Variants in KIF1B observed in about 807,000 individuals in gnomAD.
KIF1B encodes kinesin family member 1B.
In KIF1B, 76 loss-of-function variants were observed where a neutral mutation model predicts 241.9. The observed-to-expected ratio is 0.31, with a 90% CI of 0.26 to 0.38. KIF1B has a LOEUF of 0.38. Among genes scored for constraint, KIF1B ranks in the 10% least tolerant of loss-of-function variants. KIF1B has a pLI of 1.00. For missense variants in KIF1B, 1,622 were observed against 2,271.4 expected (o/e 0.71, Z 5.81); for synonymous variants, 750 against 796.7 (o/e 0.94, Z 0.99).
intron 22 of KIF1B, chr1:10,305,336 C>T: frequency 9.5e-7 from 1 of 1,048,790 alleles, no homozygotes; most frequent in Non-Finnish European, 1.2e-6. Context: ...TTTGTCATAT[C>T]AGAATCTATA....
chr1:10,334,502 C>T lies in KIF1B; in HGVS notation c.2925-18C>T, dbSNP rs1340695375. ...TCCATGGATGTTCTGACATTTGTCT[C>T]CTGGTTTCTGTCTTTAGGGCATTTG... On this transcript the variant is annotated intron_variant, in intron 27 of 48. Transcript: ENST00000676179. The T allele has an allele frequency of 2.6e-6, 4 of 1,565,744 alleles. No individual in the cohort carries two copies. The highest frequency in any genetic ancestry group is 3.5e-6 in the Non-Finnish European group (4 of 1,136,090).
intron 7 of KIF1B, among the ~76,000 whole-genome samples, chr1:10,270,446 G>A (rs116344683): frequency 0.019 from 2,857 of 152,248 alleles, 41 homozygotes; most frequent in Non-Finnish European, 0.028. Context: ...TGAGTATTGC[G>A]TTATACAGAT....
intron 37 of KIF1B, among the ~76,000 whole-genome samples, 192 bp from the exon 38 acceptor site, chr1:10,352,439 A>C (rs1275458428): frequency 6.6e-6 from 1 of 152,258 alleles, no homozygotes; most frequent in Non-Finnish European, 1.5e-5. Flanking sequence ...TGAATAAAGA[A>C]TCAATATGGT....
At chr1:10,336,602 T>A in intron 28 of KIF1B, 55 bp from the exon 29 acceptor site, 1 of 1,385,206 alleles carries the variant, frequency 7.2e-7, no homozygotes, top group Admixed American at 1.7e-5. Flanking sequence ...GCTTTTTCCC[T>A]CCCTCCCCCT....
At chr1:10,244,904 G>A (rs1441571464) in intron 2 of KIF1B, among the ~76,000 whole-genome samples, 5 of 152,158 alleles carry the variant, frequency 3.3e-5, no homozygotes, top group Admixed American at 1.3e-4. Context: ...GAGCCACCGC[G>A]CCCGGCCGCC....
Position 10,303,789 on chromosome 1 carries a change from C to T in KIF1B, c.2115+6543C>T. The T allele has an allele frequency of 1.9e-6, 3 of 1,614,108 alleles. No individual in the cohort carries two copies. In the East Asian group the frequency reaches 6.7e-5, roughly 36 times the overall value. ...TGATCGGATCTCAGGAACAGAAAAG[C>T]CCAGGAAGCCACAAAGCAAAGGAGC... On this transcript the variant is annotated intron_variant, in intron 22 of 48. Coordinates refer to ENST00000676179, the MANE Select transcript of KIF1B (RefSeq NM_001365951.3). This position sits in a 1 kb window ranked among gnomAD's most constrained non-coding sequence, Gnocchi z 5.2.
At chr1:10,315,572 T>C (rs1651268261) in intron 22 of KIF1B, among the ~76,000 whole-genome samples, 1 of 151,576 alleles carries the variant, frequency 6.6e-6, no homozygotes, top group Non-Finnish European at 1.5e-5. Context: ...TTTTCAAATT[T>C]CGTTAATTAA....
intron 22 of KIF1B, chr1:10,305,575 A>T (rs1650789334): frequency 9.4e-7 from 1 of 1,058,892 alleles, no homozygotes; most frequent in Non-Finnish European, 1.1e-6. Context: ...GCTTTTTTCC[A>T]ATAGTTGATG....
intron 28 of KIF1B, among the ~76,000 whole-genome samples, chr1:10,335,336 T>C (rs1652125192): frequency 6.6e-6 from 1 of 152,158 alleles, no homozygotes; most frequent in Non-Finnish European, 1.5e-5. Flanking sequence ...CACTGCAATC[T>C]CTGCTTCCTG....
At chr1:10,347,383 G>A (rs1287766742) in intron 35 of KIF1B, among the ~76,000 whole-genome samples, 1 of 152,190 alleles carries the variant, frequency 6.6e-6, no homozygotes, top group Non-Finnish European at 1.5e-5. Context: ...GTTGCATTAT[G>A]AGGGAGAGGT....
intron 22 of KIF1B, among the ~76,000 whole-genome samples, chr1:10,317,611 C>T (rs1043567926): frequency 5.3e-5 from 8 of 151,306 alleles, no homozygotes; most frequent in African/African-American, 1.7e-4. Flanking sequence ...GTGGGCGGAT[C>T]ACGAGGTAAG....
chr1:10,324,733 A>C (rs910126509), intron 25 of KIF1B, 25 bp from the exon 26 acceptor site: 1 of 1,613,298 alleles, frequency 6.2e-7, no homozygotes, highest in Non-Finnish European at 8.5e-7. Context: ...ATATTAACCC[A>C]ATGTGCTTTG....
At chr1:10,269,827 T>C (rs564998472) in intron 7 of KIF1B, among the ~76,000 whole-genome samples, 7 of 152,164 alleles carry the variant, frequency 4.6e-5, no homozygotes, top group African/African-American at 1.7e-4. Context: ...TCAAAAAATA[T>C]ATATATATTT....
In KIF1B at chr1:10,336,693, G is replaced by A. The variant is rs2102315292; in HGVS notation, c.3080G>A (p.Arg1027Gln). 5.6e-6 allele frequency: 9 copies of A among 1,613,924 alleles called. No homozygotes were observed. Among genetic ancestry groups the A allele is most frequent in the South Asian group, 1.1e-5 (1 of 91,066 alleles). The change falls in exon 29 of 49, where the codon CGA becomes CAA. Residue 1027 changes from arginine (R) to glutamine (Q), a missense_variant. By Grantham distance (43) the Arg-to-Gln change is conservative. Transcript: ENST00000676179. ...EEAPDYGSGI[R>Q]QSGTAKISFD... ...GCTCCTGATTATGGCTCTGGAATTC[G>A]ACAGTCAGGAACAGCTAAAATATCT...
chr1:10,277,529 G>A (rs1649182570), intron 12 of KIF1B, among the ~76,000 whole-genome samples: 1 of 152,018 alleles, frequency 6.6e-6, no homozygotes, highest in Non-Finnish European at 1.5e-5. Context: ...TAGAGATGGG[G>A]GGTCTTGTTA....
intron 4 of KIF1B, among the ~76,000 whole-genome samples, chr1:10,260,466 G>A (rs964768481): frequency 6.6e-6 from 1 of 152,036 alleles, no homozygotes; most frequent in African/African-American, 2.4e-5. Context: ...TTTAAAAACA[G>A]TTTCCTTTCA....
At chr1:10,225,817 A>C (rs1571097238) in intron 1 of KIF1B, among the ~76,000 whole-genome samples, 1 of 152,128 alleles carries the variant, frequency 6.6e-6, no homozygotes, top group East Asian at 1.9e-4. Context: ...GAACACTTTG[A>C]ATGCCATTGT....
At chr1:10,270,277 C>T (rs1648717254) in intron 7 of KIF1B, among the ~76,000 whole-genome samples, 1 of 152,064 alleles carries the variant, frequency 6.6e-6, no homozygotes, top group Non-Finnish European at 1.5e-5. Flanking sequence ...TCCGGACCTG[C>T]CCTTTTGTCA....
intron 43 of KIF1B, among the ~76,000 whole-genome samples, chr1:10,368,167 A>G (rs1271220545): frequency 2.0e-5 from 3 of 152,202 alleles, no homozygotes; most frequent in Non-Finnish European, 2.9e-5. Context: ...TTTGGGCAAC[A>G]TCGGAGCTGC....
Sources: gnomAD v4.1 joint callset for allele counts (sites outside exome capture counted in the v4.1 genomes callset) on GRCh38, gnomAD v4.1.1 for gene constraint, Gnocchi (gnomAD v3.1) non-coding constraint, MANE v1.5 for transcripts, NCBI Gene and HGNC (gene_info 2026-07-23, HGNC 2026-07-21) for gene names.